Variants in ZNF718 observed in about 807,000 individuals in gnomAD.
The protein encoded by ZNF718 is zinc finger protein 718.
ZNF718 carries 3 observed loss-of-function variants against 2.6 expected under a neutral mutation model. The observed-to-expected ratio is 1.16, with a 90% confidence interval of 0.53 to 3.01. The LOEUF (loss-of-function observed/expected upper bound fraction) is 3.01, where lower values mean the gene tolerates loss of function less well. ZNF718 is among the 30% of genes most tolerant of loss of function. ZNF718 has a pLI of 0.03. For missense variants in ZNF718, 468 were observed against 230.0 expected (o/e 2.03, Z -6.69); for synonymous variants, 135 against 77.9 (o/e 1.73, Z -3.86).
Position 162,230 on chromosome 4 carries a change from CA to C in ZNF718, c.*110del, listed in dbSNP as rs1332518684. The C allele has an allele frequency of 1.7e-6, 1 of 578,134 alleles. No individual in the cohort carries two copies. The highest frequency in any genetic ancestry group is 3.0e-5 in the Admixed American group (1 of 32,818). The allele number at this position is 578,134 out of a possible 1,614,324, so 35.8% of individuals were successfully genotyped here. A position where few individuals can be genotyped will look rare whatever the true frequency, so the allele number is the denominator to read the frequency against. The stretch of plus-strand genomic sequence containing the variant: ...AAAAAATTGACAAAGCTTTTAACCG[CA>C]ACTCAATCTGTTCTAAACATAAGAG... On this transcript the variant is annotated 3_prime_UTR_variant, in exon 4 of 4. Coordinates refer to ENST00000510175, the MANE Select transcript of ZNF718 (RefSeq NM_001039127.6).
chr4:181,394 T>C (rs1002898261), intron 3 of ZNF718, among the ~76,000 whole-genome samples: 2 of 151,918 alleles, frequency 1.3e-5, no homozygotes, highest in Non-Finnish European at 2.9e-5. Flanking sequence ...ACTCTAATTT[T>C]TGTCCAGTGA....
intron 1 of ZNF718, among the ~76,000 whole-genome samples, chr4:126,173 C>T (rs539742863): frequency 1.3e-5 from 2 of 152,344 alleles, no homozygotes; most frequent in East Asian, 3.9e-4. Context: ...AAGTTCATCC[C>T]TTACGTGCCT....
At chr4:166,396 C>A (rs1170546200), downstream of ZNF718, among the ~76,000 whole-genome samples, 2 of 152,178 alleles carry the variant, frequency 1.3e-5, no homozygotes, top group African/African-American at 2.4e-5. Context: ...AATGGTATTT[C>A]TAGTTCAAGA....
chr4:194,521 G>C (rs1370603653), intron 3 of ZNF718, among the ~76,000 whole-genome samples: 2 of 152,096 alleles, frequency 1.3e-5, no homozygotes, highest in African/African-American at 4.8e-5. Flanking sequence ...TCCTATCTTT[G>C]ACCTGACTGA....
downstream of ZNF718, among the ~76,000 whole-genome samples, chr4:165,012 G>C (rs1717056549): frequency 2.6e-5 from 4 of 152,126 alleles, no homozygotes; most frequent in South Asian, 6.2e-4. Context: ...GGCTGTAAAA[G>C]TGACTCATTC....
chr4:175,978 T>G (rs1717338777), intron 3 of ZNF718, among the ~76,000 whole-genome samples: 1 of 148,004 alleles, frequency 6.8e-6, no homozygotes, highest in African/African-American at 2.5e-5. Context: ...TGCCTCAGCC[T>G]CCCAAGTAGC....
At chr4:170,844 A>G (rs1360658173) in intron 3 of ZNF718, among the ~76,000 whole-genome samples, 2 of 151,936 alleles carry the variant, frequency 1.3e-5, no homozygotes, top group African/African-American at 2.4e-5. Flanking sequence ...TCTTGTCTCA[A>G]CTCATCAAAG....
chr4:168,685 G>T (rs1417089082), downstream of ZNF718, among the ~76,000 whole-genome samples: 3 of 152,080 alleles, frequency 2.0e-5, no homozygotes, highest in Non-Finnish European at 2.9e-5. Context: ...ATTTCTGTGG[G>T]ATCGGTGGTG....
intron 3 of ZNF718, among the ~76,000 whole-genome samples, chr4:193,772 G>A (rs1717739580): frequency 1.3e-5 from 2 of 152,140 alleles, no homozygotes; most frequent in South Asian, 4.2e-4. Context: ...GATGGCATGG[G>A]CTGGCACTTG....
chr4:155,132 A>G (rs1716505620), intron 3 of ZNF718, among the ~76,000 whole-genome samples: 1 of 151,192 alleles, frequency 6.6e-6, no homozygotes, highest in Non-Finnish European at 1.5e-5. Flanking sequence ...CTCTGCCTAC[A>G]TTTCAGAATA....
chr4:158,077 A>G (rs1716658827), intron 3 of ZNF718, among the ~76,000 whole-genome samples: 1 of 152,168 alleles, frequency 6.6e-6, no homozygotes, highest in South Asian at 2.1e-4. Context: ...TTTCCAGTAA[A>G]TGAACACTTT....
At chr4:194,104 T>C (rs1301355868) in intron 3 of ZNF718, among the ~76,000 whole-genome samples, 1 of 152,148 alleles carries the variant, frequency 6.6e-6, no homozygotes, top group East Asian at 1.9e-4. Flanking sequence ...TTGATCTCTA[T>C]TATAAAAAAC....
chr4:137,149 A>G lies in ZNF718; in HGVS notation c.226+5644A>G, dbSNP rs77959824. Among the ~76,000 whole-genome samples, 866 of 152,208 alleles carry G rather than the reference A, an allele frequency of 5.7e-3. 10 individuals carry two copies. The highest frequency in any genetic ancestry group is 7.4e-3 in the Non-Finnish European group (503 of 68,022). On this transcript the variant is annotated intron_variant, in intron 3 of 3. Transcript: ENST00000510175. ...ACTCACTCTTTGTTTGCTTTCTACC[A>G]TAATTGGAAGCTTTTTGAGGCCTCT...
At chr4:158,087 T>C (rs892413223) in intron 3 of ZNF718, among the ~76,000 whole-genome samples, 5 of 152,196 alleles carry the variant, frequency 3.3e-5, no homozygotes, top group Non-Finnish European at 5.9e-5. Context: ...ATGAACACTT[T>C]CATTATTGTT....
chr4:147,873 A>T (rs1453066207), intron 3 of ZNF718, among the ~76,000 whole-genome samples: 1 of 152,064 alleles, frequency 6.6e-6, no homozygotes, highest in Non-Finnish European at 1.5e-5. Flanking sequence ...ATCTCCAGGA[A>T]AAAAAACCCT....
Position 150,961 on chromosome 4 carries a change from T to G in ZNF718, c.227-9951T>G, listed in dbSNP as rs142162617. 2.4e-3 allele frequency among the ~76,000 whole-genome samples: 372 copies of G among 152,272 alleles called. 2 individuals carry two copies. The highest frequency in any genetic ancestry group is 8.3e-3 in the African/African-American group (344 of 41,556). On this transcript the variant is annotated intron_variant, in intron 3 of 3. Transcript: ENST00000510175. ...GATGAGTCAAAGAAACAGTCTAAAT[T>G]ACCATATATTGATTGTTTAAATATG...
At chr4:156,128 C>T (rs1188992471) in intron 3 of ZNF718, among the ~76,000 whole-genome samples, 6 of 152,062 alleles carry the variant, frequency 3.9e-5, no homozygotes, top group African/African-American at 1.2e-4. Flanking sequence ...ACCTTTTTTT[C>T]TTATAAATTA....
At chr4:186,047 C>T (rs1217134585) in intron 3 of ZNF718, among the ~76,000 whole-genome samples, 1 of 151,992 alleles carries the variant, frequency 6.6e-6, no homozygotes, top group Non-Finnish European at 1.5e-5. Flanking sequence ...ATGATGCTAG[C>T]TGGTTATTTT....
chr4:197,754 C>T (rs184177207), intron 3 of ZNF718, among the ~76,000 whole-genome samples: 21 of 152,338 alleles, frequency 1.4e-4, no homozygotes, highest in African/African-American at 4.6e-4. Context: ...AAAGCACTCA[C>T]TGACTTTTAG....
Sources: allele counts gnomAD v4.1 joint callset (sites outside exome capture counted in the v4.1 genomes callset), GRCh38; gene constraint gnomAD v4.1.1; transcripts MANE v1.5; gene names NCBI Gene and HGNC (gene_info 2026-07-23, HGNC 2026-07-21).